The following CSMD3 variants were observed in gnomAD, a reference collection of about 807,000 sequenced individuals.
CSMD3 encodes the protein CUB and sushi domain-containing protein 3.
In CSMD3, 177 loss-of-function variants were observed where a neutral mutation model predicts 435.2. The observed-to-expected ratio is 0.41, with a 90% CI of 0.36 to 0.46. CSMD3 has a LOEUF of 0.46. Among genes scored for constraint, CSMD3 ranks in the 20% least tolerant of loss-of-function variants. The pLI, the probability that CSMD3 is intolerant of heterozygous loss-of-function variation, is 0.34. For missense variants in CSMD3, 4,265 were observed against 4,504.6 expected, an observed-to-expected ratio of 0.95 and a Z score of 1.52; for synonymous variants, 1,656 against 1,520.5, an observed-to-expected ratio of 1.09 and a Z score of -2.07.
intron 13 of CSMD3, among the ~76,000 whole-genome samples, chr8:112,709,484 C>T (rs898801457): frequency 1.3e-5 from 2 of 151,888 alleles, no homozygotes; most frequent in Admixed American, 6.6e-5. Context: ...AGAATAAACA[C>T]TTGGTTTTTA....
rs564412507 is a variant in CSMD3 at position 113,165,804 on chromosome 8, C to T, written c.709+7918G>A. Among the ~76,000 whole-genome samples the T allele has an allele frequency of 9.2e-5, 14 of 151,998 alleles. No homozygotes were observed. In the Middle Eastern group the frequency reaches 0.014, roughly 148 times the overall value. On this transcript the variant is annotated intron_variant, in intron 4 of 70. Coordinates refer to ENST00000297405, the MANE Select transcript of CSMD3 (RefSeq NM_198123.2). ...ACCAACAAAAATGTTTTAGCTATTG[C>T]ATACAAGATGAGGGGAAAAAGTAAA...
At chr8:113,257,436 A>G (rs2093391588) in intron 3 of CSMD3, among the ~76,000 whole-genome samples, 1 of 152,014 alleles carries the variant, frequency 6.6e-6, no homozygotes, top group Non-Finnish European at 1.5e-5. Flanking sequence ...AATAAAAATG[A>G]CAAAACTGCC....
chr8:112,776,799 T>A (rs1403671354), intron 13 of CSMD3, among the ~76,000 whole-genome samples: 1 of 151,778 alleles, frequency 6.6e-6, no homozygotes, highest in Non-Finnish European at 1.5e-5. Context: ...ATATGTTAAT[T>A]CTATATCAAG....
chr8:112,377,783 A>C lies in CSMD3; in HGVS notation c.6136+2569T>G, dbSNP rs542622669. On this transcript the variant is annotated intron_variant, in intron 38 of 70. Transcript: ENST00000297405. ...TCAATGAATGCAAAAAAAGTATTTG[A>C]ATGTATGTGACACCATTTCATTATT... is the stretch of plus-strand genomic sequence containing the variant. Among the ~76,000 whole-genome samples, 10 of 152,246 alleles carry C rather than the reference A, an allele frequency of 6.6e-5. No homozygotes were observed. In the South Asian group the frequency reaches 1.7e-3, roughly 25 times the overall value.
intron 59 of CSMD3, 104 bp downstream of exon 59, chr8:112,281,070 A>C (rs1486771226): frequency 2.3e-6 from 2 of 878,434 alleles, no homozygotes; most frequent in African/African-American, 3.4e-5. Flanking sequence ...CAAACAGTTA[A>C]AACCTTACAT....
At chr8:112,732,024 G>A (rs972721453) in intron 13 of CSMD3, among the ~76,000 whole-genome samples, 8 of 151,926 alleles carry the variant, frequency 5.3e-5, no homozygotes, top group African/African-American at 1.5e-4. Context: ...AGGTCTAGTC[G>A]TGTTGATTAA....
chr8:112,757,916 C>T (rs1334550870), intron 13 of CSMD3, among the ~76,000 whole-genome samples: 1 of 151,964 alleles, frequency 6.6e-6, no homozygotes, highest in African/African-American at 2.4e-5. Flanking sequence ...ATTATCTGGG[C>T]ATGATGGCAC....
chr8:112,463,436 A>G (rs534641863), intron 32 of CSMD3, among the ~76,000 whole-genome samples: 1 of 152,302 alleles, frequency 6.6e-6, no homozygotes, highest in African/African-American at 2.4e-5. Context: ...GAAGATGTCT[A>G]AGTGATGACT....
intron 38 of CSMD3, among the ~76,000 whole-genome samples, chr8:112,361,580 T>TATAC (rs1827224943): frequency 5.1e-5 from 1 of 19,606 alleles, no homozygotes; most frequent in Non-Finnish European, 1.1e-4. Context: ...TACATATATA[T>TATAC]ATATATATAT....
intron 1 of CSMD3, among the ~76,000 whole-genome samples, chr8:113,393,888 G>C (rs1382334949): frequency 6.6e-6 from 1 of 151,468 alleles, no homozygotes; most frequent in Non-Finnish European, 1.5e-5. Flanking sequence ...CTGTATCTAT[G>C]TGAAAAAAAG....
intron 63 of CSMD3, among the ~76,000 whole-genome samples, chr8:112,248,446 T>C (rs575747674): frequency 6.6e-6 from 1 of 152,200 alleles, no homozygotes; most frequent in African/African-American, 2.4e-5. Flanking sequence ...AAAAAAGTCA[T>C]TTCCTCAAAA....
intron 36 of CSMD3, 90 bp downstream of exon 36, chr8:112,390,574 A>G (rs1830322830): frequency 1.7e-6 from 2 of 1,146,426 alleles, no homozygotes; most frequent in Admixed American, 3.5e-5. Flanking sequence ...ACCACTTGCT[A>G]AACTTTTAGA....
chr8:113,066,943 T>C (rs1346667977), intron 5 of CSMD3, among the ~76,000 whole-genome samples: 1 of 152,082 alleles, frequency 6.6e-6, no homozygotes, highest in Non-Finnish European at 1.5e-5. Context: ...TTTGTTTATT[T>C]CTAAAGGAAG....
At chr8:112,539,970 G>A (rs2131130111) in intron 27 of CSMD3, among the ~76,000 whole-genome samples, 1 of 152,050 alleles carries the variant, frequency 6.6e-6, no homozygotes, top group East Asian at 1.9e-4. Context: ...ATAACCTACA[G>A]AATGGGAGAA....
At chr8:113,362,969 T>A (rs2094287139) in intron 1 of CSMD3, among the ~76,000 whole-genome samples, 1 of 152,180 alleles carries the variant, frequency 6.6e-6, no homozygotes, top group Non-Finnish European at 1.5e-5. Context: ...TGAATCTGTA[T>A]TCCTTAAAAA....
chr8:112,597,315 A>C (rs1438258780), intron 22 of CSMD3, among the ~76,000 whole-genome samples: 7 of 152,058 alleles, frequency 4.6e-5, no homozygotes, highest in Non-Finnish European at 1.0e-4. Flanking sequence ...AGACTAAACC[A>C]GGAAGAAGTT....
intron 11 of CSMD3, 106 bp downstream of exon 11, chr8:112,859,039 C>T (rs1387821405): frequency 9.4e-7 from 1 of 1,065,978 alleles, no homozygotes; most frequent in Non-Finnish European, 1.4e-6. Flanking sequence ...GCGCCAAAAT[C>T]CTACTTGAGT....
chr8:112,413,073 C>T (rs1811521857), intron 32 of CSMD3, among the ~76,000 whole-genome samples: 1 of 152,062 alleles, frequency 6.6e-6, no homozygotes, highest in South Asian at 2.1e-4. Flanking sequence ...TTTAATAAAT[C>T]TATAACTTAG....
intron 35 of CSMD3, among the ~76,000 whole-genome samples, chr8:112,394,628 G>A (rs1027596184): frequency 2.0e-5 from 3 of 152,200 alleles, no homozygotes; most frequent in Admixed American, 6.5e-5. Context: ...TCACCAACAA[G>A]AAAGACTTTT....
Sources: gnomAD v4.1 joint callset for allele counts (sites outside exome capture counted in the v4.1 genomes callset) on GRCh38, gnomAD v4.1.1 for gene constraint, MANE v1.5 for transcripts, NCBI Gene and HGNC (gene_info 2026-07-23, HGNC 2026-07-21) for gene names.